The following DNAH9 variants were observed in gnomAD, a reference collection of about 807,000 sequenced individuals.
DNAH9 encodes the protein DNAH9 variant protein.
A neutral mutation model predicts 471.6 loss-of-function variants in DNAH9; 345 were observed. The ratio of observed to expected loss-of-function variants is 0.73; its 90% CI spans 0.67 to 0.80. The LOEUF (loss-of-function observed/expected upper bound fraction) is 0.80, where lower values mean the gene tolerates loss of function less well. Ranked by LOEUF, DNAH9 falls within the 30% of genes least tolerant of loss-of-function variation. The pLI, the probability that DNAH9 is intolerant of heterozygous loss-of-function variation, is 0.00. For synonymous variants in DNAH9, 2,093 were observed against 2,123.6 expected (o/e 0.99, Z 0.40); for missense variants, 5,407 against 5,609.2 (o/e 0.96, Z 1.15).
intron 26 of DNAH9, among the ~76,000 whole-genome samples, chr17:11,708,942 T>C (rs895059446): frequency 3.3e-5 from 5 of 152,172 alleles, no homozygotes; most frequent in African/African-American, 9.7e-5. Flanking sequence ...GTGAATGCAA[T>C]GAAATGATTC....
chr17:11,847,630 C>T (rs547210555), intron 49 of DNAH9, among the ~76,000 whole-genome samples: 2 of 152,292 alleles, frequency 1.3e-5, no homozygotes, highest in African/African-American at 4.8e-5. Context: ...ATTTTCAACA[C>T]ATATGTGAAA....
intron 50 of DNAH9, among the ~76,000 whole-genome samples, chr17:11,866,617 C>G (rs1366643329): frequency 6.6e-6 from 1 of 152,184 alleles, no homozygotes; most frequent in African/African-American, 2.4e-5. Context: ...TGCCCTGCCC[C>G]CAGAGGTGGA....
chr17:11,655,222 G>A lies in DNAH9; in HGVS notation c.2595+2220G>A, dbSNP rs186889996. Among the ~76,000 whole-genome samples the A allele has an allele frequency of 5.0e-3, 761 of 151,746 alleles. 6 individuals are homozygous for A. Among genetic ancestry groups the A allele is most frequent in the African/African-American group, 0.017 (708 of 41,324 alleles). On this transcript the variant is annotated intron_variant, in intron 14 of 68. Coordinates refer to ENST00000262442, the MANE Select transcript of DNAH9 (RefSeq NM_001372.4). The stretch of plus-strand genomic sequence containing the variant: ...TCCTCATAGTTTAGCTCCCACTTAT[G>A]AGTGAGAACATACAACGTTTGGTTT...
rs140773972 is a variant in DNAH9, at chr17:11,807,068, G to A, written c.8421-664G>A. On this transcript the variant is annotated intron_variant, in intron 43 of 68. Coordinates refer to ENST00000262442, the MANE Select transcript of DNAH9 (RefSeq NM_001372.4). ...AAGGAGAGAGGAATATGGGCACTGAGAGCGGTGAGCAGTAAGGCTGTGAAG... is the reference window on the plus strand; with the variant it reads ...AAGGAGAGAGGAATATGGGCACTGAAAGCGGTGAGCAGTAAGGCTGTGAAG... Among the ~76,000 whole-genome samples the A allele has an allele frequency of 2.0e-5, 3 of 152,230 alleles. No homozygotes were observed. In the East Asian group the frequency reaches 5.8e-4, roughly 29 times the overall value.
rs780149729 is a variant in DNAH9, at chr17:11,701,202, T to G, written c.5106T>G (p.Tyr1702Ter). Residue 1702 changes from tyrosine to a stop codon, truncating the protein, a stop_gained, in exon 24 of 69, where the codon TAT becomes TAG. Coordinates refer to ENST00000262442, the MANE Select transcript of DNAH9 (RefSeq NM_001372.4). LOFTEE classifies it high-confidence loss of function. ...RHEMTEGVTA[Y>*]EEKPREQWLF... Reference sequence around the variant, plus strand: ...AGATGACAGAAGGTGTAACTGCCTATGAAGAAAAGCCGAGGGAGCAGTGGC... The same window carrying G: ...AGATGACAGAAGGTGTAACTGCCTAGGAAGAAAAGCCGAGGGAGCAGTGGC... 12 of 1,614,022 alleles carry G rather than the reference T, an allele frequency of 7.4e-6. No homozygotes were observed. Among genetic ancestry groups the G allele is most frequent in the Non-Finnish European group, 1.0e-5 (12 of 1,179,986 alleles).
At chr17:11,808,784 GT>G (rs1488811477) in intron 44 of DNAH9, among the ~76,000 whole-genome samples, 3 of 152,120 alleles carry the variant, frequency 2.0e-5, no homozygotes, top group African/African-American at 7.2e-5. Context: ...TGATGCCTGT[GT>G]CCCACTCCCC....
chr17:11,674,101 C>CT (rs1343670148), intron 17 of DNAH9, among the ~76,000 whole-genome samples: 8 of 152,194 alleles, frequency 5.3e-5, no homozygotes, highest in Non-Finnish European at 8.8e-5. Flanking sequence ...CACAATGTAT[C>CT]TGTCCATTCC....
chr17:11,881,194 G>A lies in DNAH9; in HGVS notation c.10602-15G>A, dbSNP rs780837463. 1.9e-6 allele frequency: 3 copies of A among 1,614,030 alleles called. No homozygotes were observed. Among genetic ancestry groups the A allele is most frequent in the Non-Finnish European group, 2.5e-6 (3 of 1,179,974 alleles). On this transcript the variant is annotated splice_polypyrimidine_tract_variant and intron_variant, in intron 54 of 68. Coordinates refer to ENST00000262442, the MANE Select transcript of DNAH9 (RefSeq NM_001372.4). ...AGGAAGGCACCTTACCTTCACATGA[G>A]CCTTTATGTTCCAGATTCATTAAAA...
At chr17:11,854,568 A>G in intron 50 of DNAH9, 140 bp downstream of exon 50, 1 of 1,077,932 alleles carries the variant, frequency 9.3e-7, no homozygotes, top group South Asian at 1.7e-5. Flanking sequence ...CTCATTTTTC[A>G]GTAGAGGCAA....
chr17:11,689,350 A>C (rs1434108447), intron 19 of DNAH9, among the ~76,000 whole-genome samples: 1 of 141,638 alleles, frequency 7.1e-6, no homozygotes, highest in African/African-American at 2.6e-5. Context: ...ACTCCACCCC[A>C]GTCTGTCCTG....
At chr17:11,781,282 GC>G in intron 39 of DNAH9, 108 bp downstream of exon 39, 2 of 1,197,312 alleles carry the variant, frequency 1.7e-6, no homozygotes, top group Non-Finnish European at 2.3e-6. Flanking sequence ...TAGCTCTGGT[GC>G]CAGATGGGAA....
rs369453881 is a variant in DNAH9 at position 11,795,191 on chromosome 17, TTAA to T, written c.8223+1532_8223+1534del. Among the ~76,000 whole-genome samples, 64 of 152,282 alleles carry T rather than the reference TTAA, an allele frequency of 4.2e-4. No individual in the cohort carries two copies. In the South Asian group the frequency reaches 0.012, roughly 30 times the overall value. ...AAATTCTTTCCTCTCATTAAACCTA[TTAA>T]TAATTTACATAATGAATGGCCCATG... On this transcript the variant is annotated intron_variant, in intron 42 of 68. Coordinates refer to ENST00000262442, the MANE Select transcript of DNAH9 (RefSeq NM_001372.4).
At chr17:11,946,816 G>C (rs892571147) in intron 67 of DNAH9, among the ~76,000 whole-genome samples, 6 of 152,148 alleles carry the variant, frequency 3.9e-5, no homozygotes, top group Non-Finnish European at 8.8e-5. Flanking sequence ...TGAGCATAGG[G>C]AGACAGGTCT....
intron 43 of DNAH9, among the ~76,000 whole-genome samples, chr17:11,800,391 C>T (rs1969411313): frequency 6.6e-6 from 1 of 151,826 alleles, no homozygotes; most frequent in South Asian, 2.1e-4. Flanking sequence ...TCTCCCTCTC[C>T]TATTTTCTCT....
At chr17:11,610,206 G>T (rs930110709) in intron 2 of DNAH9, among the ~76,000 whole-genome samples, 190 bp from the exon 3 acceptor site, 1 of 151,988 alleles carries the variant, frequency 6.6e-6, no homozygotes, top group African/African-American at 2.4e-5. Context: ...CTGGAGAGAG[G>T]ATCTATAATT....
chr17:11,671,916 G>C (rs2073978827), intron 17 of DNAH9, among the ~76,000 whole-genome samples: 1 of 152,178 alleles, frequency 6.6e-6, no homozygotes, highest in South Asian at 2.1e-4. Context: ...ACCTCTGAAA[G>C]AAGACAGCCC....
chr17:11,796,058 T>C (rs894927018), intron 42 of DNAH9, among the ~76,000 whole-genome samples: 1 of 152,234 alleles, frequency 6.6e-6, no homozygotes, highest in Middle Eastern at 3.2e-3. Flanking sequence ...ACTGAGTTGG[T>C]TGATTTTCTC....
At position 11,705,246 on chromosome 17, in the gene DNAH9, G is replaced by A. The variant is rs2074679848; in HGVS notation, c.5552+61G>A. The stretch of plus-strand genomic sequence containing the variant: ...CTGTCTGGTTCAGGCCAGCTAGTGG[G>A]CATCTAGGGTCAAAGTCCCTGTCAC... On this transcript the variant is annotated intron_variant, in intron 26 of 68. Coordinates refer to ENST00000262442, the MANE Select transcript of DNAH9 (RefSeq NM_001372.4). The A allele has an allele frequency of 3.4e-6, 5 of 1,479,556 alleles. No individual in the cohort carries two copies. The Admixed American group carries it at 6.8e-5, about 20-fold the overall frequency. The allele number at this position is 1,479,556 out of a possible 1,614,324, so 91.7% of individuals were successfully genotyped here.
intron 58 of DNAH9, among the ~76,000 whole-genome samples, chr17:11,893,360 C>A (rs1973120024): frequency 1.3e-5 from 2 of 152,248 alleles, no homozygotes; most frequent in Admixed American, 1.3e-4. Context: ...CTCTTAGCTT[C>A]TCCAAGACGC....
Sources: gnomAD v4.1 joint callset for allele counts (sites outside exome capture counted in the v4.1 genomes callset) on GRCh38, gnomAD v4.1.1 for gene constraint, MANE v1.5 for transcripts, NCBI Gene and HGNC (gene_info 2026-07-23, HGNC 2026-07-21) for gene names.